The following FBXL20 variants were observed in gnomAD, a reference collection of about 807,000 sequenced individuals.
FBXL20 encodes the protein F-box and leucine rich repeat protein 20.
In FBXL20, 11 loss-of-function variants were observed where a neutral mutation model predicts 64.0. That is an observed-to-expected ratio of 0.17 (90% CI 0.11 to 0.28). The LOEUF is 0.28. Among genes scored for constraint, FBXL20 ranks in the 10% least tolerant of loss-of-function variants. FBXL20 has a pLI of 1.00. For missense variants in FBXL20, 303 were observed against 526.2 expected (o/e 0.58, Z 4.15); for synonymous variants, 184 against 189.0 (o/e 0.97, Z 0.22).
intron 9 of FBXL20, among the ~76,000 whole-genome samples, chr17:39,276,103 C>T (rs1296462301): frequency 1.3e-5 from 2 of 149,816 alleles, no homozygotes; most frequent in Non-Finnish European, 3.0e-5. Flanking sequence ...AAAAATTAGC[C>T]AAGTATTGTG....
At chr17:39,330,076 T>C (rs180846945) in intron 2 of FBXL20, among the ~76,000 whole-genome samples, 6 of 152,178 alleles carry the variant, frequency 3.9e-5, no homozygotes, top group Non-Finnish European at 8.8e-5. Flanking sequence ...GCAGATCACC[T>C]GAGGTCAGGA....
intron 1 of FBXL20, among the ~76,000 whole-genome samples, chr17:39,349,244 TC>T (rs1331543689): frequency 7.2e-6 from 1 of 138,122 alleles, no homozygotes; most frequent in Non-Finnish European, 1.5e-5. Context: ...AGAGCGGGAC[TC>T]CGTCTCAAAA....
At chr17:39,297,876 C>T (rs923706429) in intron 5 of FBXL20, among the ~76,000 whole-genome samples, 2 of 151,904 alleles carry the variant, frequency 1.3e-5, no homozygotes, top group African/African-American at 4.8e-5. Flanking sequence ...GCTGGAATTA[C>T]AGGCACGCAC....
rs562491481 is a variant in FBXL20 at position 39,259,524 on chromosome 17, G to A, written c.*1936C>T. The A allele has an allele frequency of 6.6e-6, 1 of 151,796 alleles. No individual in the cohort carries two copies. Among genetic ancestry groups the A allele is most frequent in the South Asian group, 2.1e-4 (1 of 4,794 alleles). The allele number at this position is 151,796 out of a possible 1,614,324, so 9.4% of individuals were successfully genotyped here. A position where few individuals can be genotyped will look rare whatever the true frequency, so the allele number is the denominator to read the frequency against. On this transcript the variant is annotated 3_prime_UTR_variant, in exon 15 of 15. Coordinates refer to ENST00000264658, the MANE Select transcript of FBXL20 (RefSeq NM_032875.3). ...ACTTCCTTTATCCTCTGATTTTTTG[G>A]GAAGACAGAGGGTGCTTCTTCTTGG...
At chr17:39,320,011 C>T (rs1404881242) in intron 2 of FBXL20, among the ~76,000 whole-genome samples, 2 of 152,154 alleles carry the variant, frequency 1.3e-5, no homozygotes, top group Non-Finnish European at 2.9e-5. Context: ...TGTAAAAAGT[C>T]CCTTCTGTCC....
Position 39,258,726 on chromosome 17 carries a change from G to A in FBXL20, c.*2734C>T, listed in dbSNP as rs1420886749. The A allele has an allele frequency of 6.6e-6, 1 of 152,162 alleles. No homozygotes were observed. Among genetic ancestry groups the A allele is most frequent in the African/African-American group, 2.4e-5 (1 of 41,438 alleles). The allele number at this position is 152,162 out of a possible 1,614,324, so 9.4% of individuals were successfully genotyped here. On this transcript the variant is annotated 3_prime_UTR_variant, in exon 15 of 15. Transcript: ENST00000264658. ...ACTCACTAATCAATCTGGGTTTTAT[G>A]GTCAATTTGTACAGGCACTAAAACA...
chr17:39,371,483 T>C (rs2047918025), intron 1 of FBXL20, among the ~76,000 whole-genome samples: 1 of 151,836 alleles, frequency 6.6e-6, no homozygotes, highest in Non-Finnish European at 1.5e-5. Flanking sequence ...GGGAAGGAGA[T>C]GGGGAACTAC....
chr17:39,272,907 T>C (rs1362200478), intron 10 of FBXL20, among the ~76,000 whole-genome samples: 1 of 152,160 alleles, frequency 6.6e-6, no homozygotes, highest in African/African-American at 2.4e-5. Flanking sequence ...AAGGATAAAG[T>C]GTAAGATATT....
At chr17:39,331,446 C>G (rs778879402) in intron 2 of FBXL20, among the ~76,000 whole-genome samples, 4 of 152,106 alleles carry the variant, frequency 2.6e-5, no homozygotes, top group Non-Finnish European at 5.9e-5. Flanking sequence ...CTCTTTAAGT[C>G]ACAGCTCATT....
At chr17:39,358,016 GATTT>G (rs1373136894) in intron 1 of FBXL20, among the ~76,000 whole-genome samples, 2 of 152,186 alleles carry the variant, frequency 1.3e-5, no homozygotes, top group Admixed American at 6.5e-5. Context: ...CATATGAAGA[GATTT>G]ATTATAAGAA....
chr17:39,324,755 T>C (rs912625467), intron 2 of FBXL20, among the ~76,000 whole-genome samples: 1 of 152,184 alleles, frequency 6.6e-6, no homozygotes, highest in African/African-American at 2.4e-5. Context: ...AGGATAGAAA[T>C]GTGACAACAG....
Position 39,305,159 on chromosome 17 carries a change from A to G in FBXL20, c.105-1520T>C, listed in dbSNP as rs185948091. Among the ~76,000 whole-genome samples, 226 of 151,794 alleles carry G rather than the reference A, an allele frequency of 1.5e-3. 1 individual carries two copies. Among genetic ancestry groups the G allele is most frequent in the African/African-American group, 4.3e-3 (178 of 41,390 alleles). ...GCAATGAAAAATGTTAAATGTCTAG[A>G]AAAAAAAACCCAGAAACAAAATATA... On this transcript the variant is annotated intron_variant, in intron 2 of 14. Coordinates refer to ENST00000264658, the MANE Select transcript of FBXL20 (RefSeq NM_032875.3).
chr17:39,331,738 C>A (rs934802242), intron 2 of FBXL20, among the ~76,000 whole-genome samples: 1 of 152,150 alleles, frequency 6.6e-6, no homozygotes, highest in Non-Finnish European at 1.5e-5. Flanking sequence ...TCTAATGTCC[C>A]TCATAAAGAA....
intron 4 of FBXL20, among the ~76,000 whole-genome samples, chr17:39,299,364 T>C (rs1338448057): frequency 6.6e-6 from 1 of 152,230 alleles, no homozygotes; most frequent in Non-Finnish European, 1.5e-5. Flanking sequence ...TATGCATATA[T>C]ACTGCCTAGC....
chr17:39,354,309 C>T (rs1776729873), intron 1 of FBXL20, among the ~76,000 whole-genome samples: 1 of 152,174 alleles, frequency 6.6e-6, no homozygotes, highest in African/African-American at 2.4e-5. Flanking sequence ...TTTGTTCATG[C>T]TATTTTCTTT....
intron 1 of FBXL20, among the ~76,000 whole-genome samples, chr17:39,372,103 C>T (rs896733127): frequency 1.3e-5 from 2 of 152,126 alleles, no homozygotes; most frequent in African/African-American, 4.8e-5. Flanking sequence ...TTTACTATTT[C>T]TTTCTCTTTT....
upstream of FBXL20, chr17:39,401,737 G>A (rs1250590351): frequency 4.7e-6 from 5 of 1,056,964 alleles, no homozygotes; most frequent in African/African-American, 1.7e-5. Context: ...GGAGGGGCGG[G>A]AGGGGAGGAG....
At chr17:39,371,910 T>A (rs2047921908) in intron 1 of FBXL20, among the ~76,000 whole-genome samples, 2 of 152,138 alleles carry the variant, frequency 1.3e-5, no homozygotes, top group South Asian at 4.1e-4. Flanking sequence ...GAATCTATCT[T>A]CCCATTATAG....
chr17:39,305,816 T>C (rs1424091905), intron 2 of FBXL20, among the ~76,000 whole-genome samples: 1 of 151,906 alleles, frequency 6.6e-6, no homozygotes. Context: ...TGAAACCCCG[T>C]TTCTACTAAA....
Sources: gnomAD v4.1 joint callset for allele counts (sites outside exome capture counted in the v4.1 genomes callset) on GRCh38, gnomAD v4.1.1 for gene constraint, MANE v1.5 for transcripts, NCBI Gene and HGNC (gene_info 2026-07-23, HGNC 2026-07-21) for gene names.